AUTS2: variants seen among roughly 807,000 people sequenced by gnomAD.
AUTS2 encodes the protein autism susceptibility gene 2 protein.
A neutral mutation model predicts 112.4 loss-of-function variants in AUTS2; 17 were observed. That is an observed-to-expected ratio of 0.15 (90% CI 0.10 to 0.23). AUTS2 has a LOEUF of 0.23. AUTS2 is among the 10% of genes least tolerant of loss of function. The probability of loss-of-function intolerance (pLI) is 1.00; values close to 1 mark genes in which losing one functional copy is unlikely to be tolerated. For synonymous variants in AUTS2, 751 were observed against 702.7 expected, an observed-to-expected ratio of 1.07 and a Z score of -1.09; for missense variants, 1,510 against 1,701.6, an observed-to-expected ratio of 0.89 and a Z score of 1.98.
chr7:70,013,745 GTC>G (rs1563039695), intron 2 of AUTS2, among the ~76,000 whole-genome samples: 1 of 152,138 alleles, frequency 6.6e-6, no homozygotes, highest in Non-Finnish European at 1.5e-5. Flanking sequence ...TTGAGACGGA[GTC>G]TCTCTCTGTC....
At chr7:70,698,775 A>C in intron 6 of AUTS2, 155 bp downstream of exon 6, 1 of 561,216 alleles carries the variant, frequency 1.8e-6, no homozygotes, top group Non-Finnish European at 3.0e-6. Context: ...AAGTCTGCAT[A>C]CTTTGTGATG....
At chr7:70,063,083 A>G (rs915695944) in intron 2 of AUTS2, among the ~76,000 whole-genome samples, 1 of 152,000 alleles carries the variant, frequency 6.6e-6, no homozygotes. Flanking sequence ...CCTGTCCCCA[A>G]CCAGTCCCCT....
chr7:70,496,765 C>T (rs1381956559), intron 5 of AUTS2, among the ~76,000 whole-genome samples: 15 of 146,988 alleles, frequency 1.0e-4, no homozygotes, highest in Non-Finnish European at 2.1e-4. Flanking sequence ...ACCCCACTCA[C>T]ACCACGTACA....
chr7:70,094,531 T>C (rs1305513391), intron 2 of AUTS2, among the ~76,000 whole-genome samples: 1 of 152,240 alleles, frequency 6.6e-6, no homozygotes, highest in Non-Finnish European at 1.5e-5. Flanking sequence ...TAGCCCTTCT[T>C]AGGCATCCCA....
intron 1 of AUTS2, among the ~76,000 whole-genome samples, chr7:69,741,549 A>T (rs1480189839): frequency 6.6e-6 from 1 of 151,764 alleles, no homozygotes; most frequent in African/African-American, 2.4e-5. Context: ...TACTAAAAAT[A>T]AAAAAATTAG....
intron 5 of AUTS2, among the ~76,000 whole-genome samples, chr7:70,565,314 G>A (rs540105555): frequency 3.4e-4 from 52 of 152,244 alleles, no homozygotes; most frequent in Admixed American, 1.3e-3. Context: ...GAAGCTGAGT[G>A]CTGGTAGGTA....
intron 1 of AUTS2, among the ~76,000 whole-genome samples, chr7:69,775,694 C>G (rs576192641): frequency 1.1e-3 from 171 of 152,254 alleles, no homozygotes; most frequent in Non-Finnish European, 2.1e-3. Context: ...TATAGCAGTA[C>G]TGGTCAGAGC....
intron 1 of AUTS2, among the ~76,000 whole-genome samples, chr7:69,678,639 G>T (rs1796670801): frequency 6.6e-6 from 1 of 152,170 alleles, no homozygotes; most frequent in African/African-American, 2.4e-5. Flanking sequence ...CTGTGCCTGG[G>T]GTTGTATTTC....
intron 1 of AUTS2, among the ~76,000 whole-genome samples, chr7:69,694,100 G>A (rs760681044): frequency 6.6e-6 from 1 of 152,148 alleles, no homozygotes; most frequent in East Asian, 1.9e-4. Context: ...TACTTGCAGT[G>A]ATGGCTTCCT....
intron 4 of AUTS2, among the ~76,000 whole-genome samples, chr7:70,136,949 A>C (rs934858277): frequency 1.3e-5 from 2 of 152,210 alleles, no homozygotes; most frequent in African/African-American, 4.8e-5. Flanking sequence ...GAGTATATAC[A>C]TGTGCAGGTG....
intron 1 of AUTS2, among the ~76,000 whole-genome samples, chr7:69,790,299 A>G (rs1454028620): frequency 2.0e-5 from 3 of 152,042 alleles, no homozygotes; most frequent in African/African-American, 7.2e-5. Context: ...TCAAAAAAGA[A>G]ACATCAGAGA....
chr7:69,849,338 G>T (rs1335741015), intron 1 of AUTS2, among the ~76,000 whole-genome samples: 2 of 152,144 alleles, frequency 1.3e-5, no homozygotes, highest in African/African-American at 2.4e-5. Flanking sequence ...ATAGGAGGTT[G>T]CCAAAATAAT....
intron 3 of AUTS2, among the ~76,000 whole-genome samples, chr7:70,131,314 T>G (rs1049073758): frequency 2.6e-5 from 4 of 152,028 alleles, no homozygotes; most frequent in Non-Finnish European, 5.9e-5. Flanking sequence ...GGGCACAGTA[T>G]CGCATGCCTG....
chr7:70,559,142 C>T (rs561335631), intron 5 of AUTS2, among the ~76,000 whole-genome samples: 2 of 152,208 alleles, frequency 1.3e-5, no homozygotes, highest in South Asian at 2.1e-4. Context: ...CTTTGCCTGC[C>T]GCCATGTAAG....
At chr7:70,071,239 T>C (rs1426176139) in intron 2 of AUTS2, among the ~76,000 whole-genome samples, 1 of 152,198 alleles carries the variant, frequency 6.6e-6, no homozygotes, top group Admixed American at 6.5e-5. Flanking sequence ...GTAACTTACT[T>C]CGCAGCTCTC....
At chr7:70,439,145 CT>C (rs1185345606) in intron 5 of AUTS2, among the ~76,000 whole-genome samples, 4 of 152,324 alleles carry the variant, frequency 2.6e-5, no homozygotes, top group Admixed American at 6.5e-5. Flanking sequence ...CACAAAAAGG[CT>C]TTGATGAGAC....
chr7:69,936,658 A>G (rs1796426124), intron 2 of AUTS2, among the ~76,000 whole-genome samples: 1 of 152,116 alleles, frequency 6.6e-6, no homozygotes, highest in Non-Finnish European at 1.5e-5. Context: ...TGGGACATAC[A>G]GATATTTTTT....
chr7:70,156,769 G>T (rs552437427), intron 4 of AUTS2, among the ~76,000 whole-genome samples: 21 of 151,512 alleles, frequency 1.4e-4, no homozygotes, highest in Admixed American at 1.4e-3. Context: ...GCAAGTCAAG[G>T]CCTGGCGTGG....
intron 4 of AUTS2, among the ~76,000 whole-genome samples, chr7:70,408,921 G>T (rs1794658128): frequency 6.6e-6 from 1 of 152,172 alleles, no homozygotes; most frequent in South Asian, 2.1e-4. Context: ...AACCTAAAGA[G>T]AATTATCTAC....
Sources: allele counts gnomAD v4.1 joint callset (sites outside exome capture counted in the v4.1 genomes callset), GRCh38; gene constraint gnomAD v4.1.1; transcripts MANE v1.5; gene names NCBI Gene and HGNC (gene_info 2026-07-23, HGNC 2026-07-21).